The following ADAMTS3 variants were observed in gnomAD, a reference collection of about 807,000 sequenced individuals.
ADAMTS3 encodes the protein ADAM metallopeptidase with thrombospondin type 1 motif 3.
ADAMTS3 carries 73 observed loss-of-function variants against 129.0 expected under a neutral mutation model. That is an observed-to-expected ratio of 0.57 (90% confidence interval 0.47 to 0.69). ADAMTS3 has a LOEUF of 0.69. ADAMTS3 is among the 30% of genes least tolerant of loss of function. ADAMTS3 has a pLI of 0.00. For synonymous variants in ADAMTS3, 477 were observed against 510.8 expected (o/e 0.93, Z 0.89); for missense variants, 1,457 against 1,514.5 (o/e 0.96, Z 0.63).
At chr4:72,360,383 G>T (rs961592627) in intron 4 of ADAMTS3, among the ~76,000 whole-genome samples, 1 of 151,734 alleles carries the variant, frequency 6.6e-6, no homozygotes, top group African/African-American at 2.4e-5. Flanking sequence ...TTAACCAAAG[G>T]TCCAAAAAAA....
At position 72,290,975 on chromosome 4, in the gene ADAMTS3, G is replaced by C; in HGVS notation, c.2811C>G (p.Leu937=). 6.2e-7 allele frequency: 1 copy of C among 1,614,070 alleles called. No homozygotes were observed. Among genetic ancestry groups the C allele is most frequent in the Non-Finnish European group, 8.5e-7 (1 of 1,179,976 alleles). ...GCACAGAGCGGTTGGTGCCATCAAG[G>C]AGTGGCTGAAGGCAGCGTACAGTGC... ...QLRTVRCLQP[L]LDGTNRSVHS... is the part of the protein sequence containing the mutation. The change falls in exon 20 of 22, where the codon CTC becomes CTG. Residue 937 remains leucine, a synonymous_variant. Coordinates refer to ENST00000286657, the MANE Select transcript of ADAMTS3 (RefSeq NM_014243.3).
intron 3 of ADAMTS3, among the ~76,000 whole-genome samples, chr4:72,486,483 A>G (rs1719594709): frequency 6.6e-6 from 1 of 152,170 alleles, no homozygotes; most frequent in African/African-American, 2.4e-5. Flanking sequence ...AAAACTGAGA[A>G]CCTAGCCCTC....
intron 5 of ADAMTS3, among the ~76,000 whole-genome samples, chr4:72,332,401 A>G (rs1040549118): frequency 6.6e-6 from 1 of 152,182 alleles, no homozygotes; most frequent in Non-Finnish European, 1.5e-5. Flanking sequence ...TGCCCTGTTC[A>G]GATAACACAT....
intron 3 of ADAMTS3, among the ~76,000 whole-genome samples, chr4:72,521,148 C>A (rs1720661452): frequency 1.3e-5 from 2 of 152,046 alleles, no homozygotes; most frequent in African/African-American, 2.4e-5. Context: ...CAGGTTCCTG[C>A]CACCACCCCC....
At chr4:72,402,629 C>A (rs746149761) in intron 4 of ADAMTS3, among the ~76,000 whole-genome samples, 3 of 151,980 alleles carry the variant, frequency 2.0e-5, no homozygotes, top group Non-Finnish European at 4.4e-5. Flanking sequence ...GTTAGATAGT[C>A]TTGTATCAAA....
intron 3 of ADAMTS3, among the ~76,000 whole-genome samples, chr4:72,503,841 A>G (rs554616463): frequency 6.6e-6 from 1 of 152,238 alleles, no homozygotes; most frequent in African/African-American, 2.4e-5. Context: ...ACCCTTTATC[A>G]TTATGTAATA....
chr4:72,441,467 T>C lies in ADAMTS3; in HGVS notation c.505-26496A>G, dbSNP rs146184615. Among the ~76,000 whole-genome samples the C allele has an allele frequency of 1.4e-3, 212 of 151,932 alleles. 1 individual carries two copies. Among genetic ancestry groups the C allele is most frequent in the African/African-American group, 4.9e-3 (204 of 41,520 alleles). ...TGTTGTGAATATTTTTTATAATATT[T>C]CAATTTGTTATTTGTTATTTGTCTG... On this transcript the variant is annotated intron_variant, in intron 3 of 21. Coordinates refer to ENST00000286657, the MANE Select transcript of ADAMTS3 (RefSeq NM_014243.3).
intron 3 of ADAMTS3, among the ~76,000 whole-genome samples, chr4:72,473,549 A>G (rs1212266338): frequency 1.3e-5 from 2 of 150,104 alleles, no homozygotes; most frequent in African/African-American, 2.5e-5. Context: ...GCCAAACACC[A>G]CAGAAAAAAA....
At chr4:72,514,161 C>A (rs911157588) in intron 3 of ADAMTS3, among the ~76,000 whole-genome samples, 2 of 152,062 alleles carry the variant, frequency 1.3e-5, no homozygotes, top group African/African-American at 4.8e-5. Context: ...TATGTTGTCA[C>A]CAGGCCTTAC....
intron 4 of ADAMTS3, among the ~76,000 whole-genome samples, chr4:72,340,316 A>T (rs933266828): frequency 4.8e-5 from 7 of 147,336 alleles, no homozygotes; most frequent in Non-Finnish European, 7.5e-5. Context: ...TATATACATA[A>T]GTGTGTGTGT....
At chr4:72,563,159 G>T (rs1721945220) in intron 2 of ADAMTS3, among the ~76,000 whole-genome samples, 1 of 152,070 alleles carries the variant, frequency 6.6e-6, no homozygotes, top group Admixed American at 6.6e-5. Flanking sequence ...GTGAAAGCAT[G>T]GCTAAACACC....
chr4:72,306,825 T>C (rs1315721544), intron 15 of ADAMTS3, among the ~76,000 whole-genome samples: 1 of 151,998 alleles, frequency 6.6e-6, no homozygotes, highest in Non-Finnish European at 1.5e-5. Flanking sequence ...TTTAAAATCA[T>C]ATATCATTCC....
chr4:72,377,222 T>C (rs1446556016), intron 4 of ADAMTS3, among the ~76,000 whole-genome samples: 3 of 152,084 alleles, frequency 2.0e-5, no homozygotes, highest in Admixed American at 2.0e-4. Context: ...TAATTAAATG[T>C]TTTATTACCC....
rs147002650 is a variant in ADAMTS3 at position 72,320,799 on chromosome 4, C to T, written c.1017G>A (p.Gln339=). Residue 339 remains glutamine (Q), a synonymous_variant, in exon 7 of 22, where the codon CAG becomes CAA. Coordinates refer to ENST00000286657, the MANE Select transcript of ADAMTS3 (RefSeq NM_014243.3). ...CAGAGTGGTTGAGATCAGATCTTTG[C>T]TGTTGGGACGCCCAGCGACACACAT... The part of the protein sequence containing the change: ...LENVCRWASQ[Q]QRSDLNHSEH... 117 of 1,613,858 alleles carry T rather than the reference C, an allele frequency of 7.2e-5. No homozygotes were observed. In the Middle Eastern group the frequency reaches 2.3e-3, roughly 32 times the overall value.
chr4:72,367,847 G>A (rs1383067005), intron 4 of ADAMTS3, among the ~76,000 whole-genome samples: 4 of 65,792 alleles, frequency 6.1e-5, no homozygotes, highest in African/African-American at 2.6e-4. Flanking sequence ...AAGACTCTGT[G>A]TCAAAAAAAA....
chr4:72,317,979 A>C (rs1014727599), intron 10 of ADAMTS3, among the ~76,000 whole-genome samples: 5 of 151,778 alleles, frequency 3.3e-5, no homozygotes, highest in African/African-American at 1.2e-4. Context: ...CAGTGAGCTG[A>C]GATTGCACCA....
At chr4:72,477,186 C>T (rs373033229) in intron 3 of ADAMTS3, among the ~76,000 whole-genome samples, 2 of 152,076 alleles carry the variant, frequency 1.3e-5, no homozygotes, top group East Asian at 1.9e-4. Context: ...CTGTACCAAG[C>T]GGACCTAATA....
In ADAMTS3 at chr4:72,283,257, GC is replaced by G. The variant is rs771054627; in HGVS notation, c.3496del (p.Ala1166LeufsTer11). 1 of 1,613,916 alleles carries G rather than the reference GC, an allele frequency of 6.2e-7. No individual in the cohort carries two copies. Among genetic ancestry groups the G allele is most frequent in the Non-Finnish European group, 8.5e-7 (1 of 1,179,974 alleles). On this transcript the variant is annotated frameshift_variant, in exon 22 of 22. Coordinates refer to ENST00000286657, the MANE Select transcript of ADAMTS3 (RefSeq NM_014243.3). LOFTEE classifies it high-confidence loss of function. ...ATCACTGGCTGCAAAGAAGGAAGCA[GC>G]AGCCATTTGTGAAGCTGAACTGAGG... The part of the protein sequence containing the change: ...VHLSSASQMA[A>X]ASFFAASDSI...
chr4:72,407,542 C>A (rs1029365592), intron 4 of ADAMTS3, among the ~76,000 whole-genome samples: 3 of 151,980 alleles, frequency 2.0e-5, no homozygotes, highest in African/African-American at 7.2e-5. Flanking sequence ...ATTTTAGTAT[C>A]CCTGAGACTT....
Sources: allele counts gnomAD v4.1 joint callset (sites outside exome capture counted in the v4.1 genomes callset), GRCh38; gene constraint gnomAD v4.1.1; transcripts MANE v1.5; gene names NCBI Gene and HGNC (gene_info 2026-07-23, HGNC 2026-07-21).